DAB1: variants seen among roughly 807,000 people sequenced by gnomAD.
DAB1 encodes DAB adaptor protein 1, also known as disabled homolog 1.
A neutral mutation model predicts 64.6 loss-of-function variants in DAB1; 15 were observed. The observed-to-expected ratio is 0.23, with a 90% CI of 0.16 to 0.36. The LOEUF (loss-of-function observed/expected upper bound fraction) is 0.36, where lower values mean the gene tolerates loss of function less well. Among genes scored for constraint, DAB1 ranks in the 10% least tolerant of loss-of-function variants. The pLI, the probability that DAB1 is intolerant of heterozygous loss-of-function variation, is 1.00. For missense variants in DAB1, 596 were observed against 706.7 expected (o/e 0.84, Z 1.78); for synonymous variants, 235 against 251.9 (o/e 0.93, Z 0.64).
intron 7 of DAB1, among the ~76,000 whole-genome samples, chr1:57,500,194 T>C (rs548084331): frequency 6.6e-6 from 1 of 152,364 alleles, no homozygotes; most frequent in African/African-American, 2.4e-5. Context: ...AGAGATGCTA[T>C]ATCTCCCCCT....
At chr1:57,682,081 G>C (rs1194683560) in intron 6 of DAB1, among the ~76,000 whole-genome samples, 1 of 152,062 alleles carries the variant, frequency 6.6e-6, no homozygotes, top group African/African-American at 2.4e-5. Context: ...AGGAACACCA[G>C]CAACAATAAA....
chr1:58,257,941 G>A (rs1660969674), intron 4 of DAB1, among the ~76,000 whole-genome samples: 1 of 152,146 alleles, frequency 6.6e-6, no homozygotes, highest in Admixed American at 6.5e-5. Context: ...CAGGATTCCA[G>A]GCTTTGAGTG....
At chr1:57,157,240 A>T (rs72911114) in intron 2 of DAB1, among the ~76,000 whole-genome samples, 2,824 of 152,188 alleles carry the variant, frequency 0.019, 74 homozygotes, top group East Asian at 0.15. Flanking sequence ...TCTGGCTGTG[A>T]ATTCTTTTAA....
intron 5 of DAB1, among the ~76,000 whole-genome samples, chr1:58,127,888 T>C (rs1210522360): frequency 6.6e-6 from 1 of 152,186 alleles, no homozygotes; most frequent in Non-Finnish European, 1.5e-5. Flanking sequence ...TGAAGTCAGG[T>C]AGTGTGATGC....
intron 5 of DAB1, among the ~76,000 whole-genome samples, chr1:57,957,655 G>A (rs550149573): frequency 1.4e-4 from 22 of 152,194 alleles, no homozygotes; most frequent in African/African-American, 5.1e-4. Context: ...GGACCACACC[G>A]CAGTTCAGAG....
downstream of DAB1, among the ~76,000 whole-genome samples, chr1:57,824,586 C>G (rs1652262542): frequency 6.6e-6 from 1 of 152,118 alleles, no homozygotes; most frequent in African/African-American, 2.4e-5. Flanking sequence ...TTGACCTCAC[C>G]AATAACATGT....
chr1:58,472,791 T>G (rs113037556), intron 3 of DAB1, among the ~76,000 whole-genome samples: 3 of 152,330 alleles, frequency 2.0e-5, no homozygotes, highest in African/African-American at 7.2e-5. Flanking sequence ...CAAAAGAATC[T>G]CTTAAATAAA....
chr1:58,536,409 C>T (rs1646517888), intron 1 of DAB1: 1 of 646,024 alleles, frequency 1.5e-6, no homozygotes, highest in African/African-American at 1.8e-5. Flanking sequence ...AATTTCATAT[C>T]AAAGACTAAA....
intron 6 of DAB1, among the ~76,000 whole-genome samples, chr1:57,684,859 C>T (rs2101703441): frequency 6.6e-6 from 1 of 152,246 alleles, no homozygotes; most frequent in East Asian, 1.9e-4. Context: ...TGCTGTTTCC[C>T]ATGTAATTAT....
intron 6 of DAB1, among the ~76,000 whole-genome samples, chr1:57,755,840 T>C (rs2101809979): frequency 1.3e-5 from 2 of 152,292 alleles, no homozygotes; most frequent in South Asian, 4.1e-4. Context: ...CATTACTGGG[T>C]CCCGTTAATT....
Position 57,358,084 on chromosome 1 carries a change from T to C in DAB1, c.-137+65846A>G, listed in dbSNP as rs542595124. 3.3e-5 allele frequency among the ~76,000 whole-genome samples: 5 copies of C among 152,202 alleles called. No homozygotes were observed. In the South Asian group the frequency reaches 8.3e-4, roughly 25 times the overall value. On this transcript the variant is annotated intron_variant, in intron 1 of 14. Coordinates refer to ENST00000371236, the MANE Select transcript of DAB1 (RefSeq NM_001365792.1). ...AGGGTTTTCTATATATAAGATCATGTCATTTGCAAAGAGGGACAATTTAAC... is the reference window on the plus strand; with the variant it reads ...AGGGTTTTCTATATATAAGATCATGCCATTTGCAAAGAGGGACAATTTAAC...
intron 2 of DAB1, among the ~76,000 whole-genome samples, chr1:57,262,700 A>G (rs1670275086): frequency 6.6e-6 from 1 of 152,214 alleles, no homozygotes; most frequent in Admixed American, 6.5e-5. Context: ...TTTAAAAGGT[A>G]TGGAACCCAT....
At chr1:57,834,243 T>G (rs755418795) in intron 1 of DAB1, among the ~76,000 whole-genome samples, 3 of 151,976 alleles carry the variant, frequency 2.0e-5, no homozygotes, top group Non-Finnish European at 2.9e-5. Context: ...AAGTACAAAA[T>G]GAAGCTTTAA....
At chr1:57,512,882 C>T (rs1239532046) in intron 7 of DAB1, among the ~76,000 whole-genome samples, 4 of 152,166 alleles carry the variant, frequency 2.6e-5, no homozygotes, top group African/African-American at 7.2e-5. Flanking sequence ...CCTACTGGGG[C>T]ATGACCCATT....
chr1:57,395,743 TTAGGGAA>T (rs1439054870), intron 1 of DAB1, among the ~76,000 whole-genome samples: 3 of 144,902 alleles, frequency 2.1e-5, no homozygotes, highest in Non-Finnish European at 3.0e-5. Context: ...GGCTACCATA[TTAGGGAA>T]TACAGACCTA....
intron 4 of DAB1, among the ~76,000 whole-genome samples, chr1:58,296,192 AAAGAGAAAG>A (rs1397622106): frequency 7.8e-6 from 1 of 128,808 alleles, no homozygotes; most frequent in Admixed American, 8.2e-5. Flanking sequence ...AAAGAGAAAG[AAAGAGAAAG>A]AAAGAAAGAA....
chr1:58,471,153 C>T (rs2100330142), intron 3 of DAB1, among the ~76,000 whole-genome samples: 1 of 152,286 alleles, frequency 6.6e-6, no homozygotes, highest in South Asian at 2.1e-4. Context: ...GCAGACAGTG[C>T]CAGCATTGTC....
intron 1 of DAB1, among the ~76,000 whole-genome samples, chr1:57,299,531 T>A (rs1409468570): frequency 1.3e-5 from 2 of 152,024 alleles, no homozygotes; most frequent in Non-Finnish European, 2.9e-5. Context: ...AACATTTCAT[T>A]TAACTAATGG....
rs144835744 is a variant in DAB1 at position 58,259,572 on chromosome 1, T to C, written n.309+83780A>G. On this transcript the variant is annotated intron_variant and non_coding_transcript_variant, in intron 4 of 20. Coordinates refer to the DAB1 transcript ENST00000485760. Reference sequence around the variant, plus strand: ...ATCCCCTATAGGCCATAAGTTCCTGTAGGTTAGAGACCAAGTGGGTCTCAC... The same window carrying C: ...ATCCCCTATAGGCCATAAGTTCCTGCAGGTTAGAGACCAAGTGGGTCTCAC... Among the ~76,000 whole-genome samples, 122 of 152,294 alleles carry C rather than the reference T, an allele frequency of 8.0e-4. No individual in the cohort carries two copies. In the East Asian group the frequency reaches 0.021, roughly 27 times the overall value.
Sources: allele counts gnomAD v4.1 joint callset (sites outside exome capture counted in the v4.1 genomes callset), GRCh38; gene constraint gnomAD v4.1.1; transcripts MANE v1.5; gene names NCBI Gene and HGNC (gene_info 2026-07-23, HGNC 2026-07-21).